Variants in GALNTL6 observed in about 807,000 individuals in gnomAD.
GALNTL6 encodes polypeptide N-acetylgalactosaminyltransferase like 6, also known as polypeptide N-acetylgalactosaminyltransferase-like 6.
Under a neutral mutation model 73.7 loss-of-function variants are expected in GALNTL6, and 46 were observed. That is an observed-to-expected ratio of 0.62 (90% CI 0.49 to 0.80). The LOEUF (loss-of-function observed/expected upper bound fraction) is 0.80. Among genes scored for constraint, GALNTL6 ranks in the 30% least tolerant of loss-of-function variants. The pLI is 0.00. For missense variants in GALNTL6, 604 were observed against 755.0 expected (o/e 0.80, Z 2.34); for synonymous variants, 259 against 263.7 (o/e 0.98, Z 0.17).
chr4:172,009,979 A>G (rs1740955584), intron 2 of GALNTL6, among the ~76,000 whole-genome samples: 2 of 152,172 alleles, frequency 1.3e-5, no homozygotes, highest in South Asian at 2.1e-4. Context: ...TCTGAAAGCC[A>G]TATAGAACAA....
At chr4:171,846,316 C>A (rs1326013143) in intron 2 of GALNTL6, among the ~76,000 whole-genome samples, 3 of 152,074 alleles carry the variant, frequency 2.0e-5, no homozygotes, top group Non-Finnish European at 4.4e-5. Flanking sequence ...TTTGAATCAC[C>A]TGATGCACCT....
chr4:172,695,045 C>A (rs1342834389), intron 5 of GALNTL6, among the ~76,000 whole-genome samples: 1 of 152,160 alleles, frequency 6.6e-6, no homozygotes, highest in African/African-American at 2.4e-5. Flanking sequence ...AAAAATAATT[C>A]TATGTACCTC....
intron 3 of GALNTL6, among the ~76,000 whole-genome samples, chr4:172,242,206 C>T (rs1737459465): frequency 6.6e-6 from 1 of 151,954 alleles, no homozygotes; most frequent in Admixed American, 6.6e-5. Context: ...GGGGAAAATG[C>T]AATTGCTTGG....
chr4:171,905,336 G>A (rs200187968), intron 2 of GALNTL6, among the ~76,000 whole-genome samples: 1 of 152,004 alleles, frequency 6.6e-6, no homozygotes, highest in Admixed American at 6.6e-5. Flanking sequence ...AAAGGCAGGG[G>A]TTGCAATCCT....
intron 2 of GALNTL6, among the ~76,000 whole-genome samples, chr4:172,164,761 T>A (rs1260591597): frequency 6.6e-6 from 1 of 152,126 alleles, no homozygotes; most frequent in Non-Finnish European, 1.5e-5. Context: ...GATTGAGTTT[T>A]CAATCTTCTC....
intron 5 of GALNTL6, among the ~76,000 whole-genome samples, chr4:172,453,444 T>G: frequency 6.6e-6 from 1 of 152,194 alleles, no homozygotes; most frequent in Non-Finnish European, 1.5e-5. Flanking sequence ...ACTCTCTCCT[T>G]GAAACCATTA....
intron 2 of GALNTL6, among the ~76,000 whole-genome samples, chr4:172,105,944 T>A (rs1410497911): frequency 1.3e-5 from 2 of 152,164 alleles, no homozygotes; most frequent in Non-Finnish European, 2.9e-5. Context: ...TTGAAAACAT[T>A]ATAATATGGA....
At chr4:172,180,975 G>GT (rs1248267244) in intron 2 of GALNTL6, among the ~76,000 whole-genome samples, 1 of 152,086 alleles carries the variant, frequency 6.6e-6, no homozygotes, top group African/African-American at 2.4e-5. Context: ...ATTTAAAGTA[G>GT]TTTTTTTCCA....
intron 2 of GALNTL6, among the ~76,000 whole-genome samples, chr4:172,156,275 A>G (rs900905103): frequency 2.6e-5 from 4 of 152,010 alleles, no homozygotes; most frequent in African/African-American, 4.8e-5. Flanking sequence ...TCCTGGGGCA[A>G]GTGGCCTTGA....
chr4:171,913,189 A>G (rs1222659037), intron 2 of GALNTL6, among the ~76,000 whole-genome samples: 3 of 152,214 alleles, frequency 2.0e-5, no homozygotes, highest in Non-Finnish European at 2.9e-5. Context: ...AACCAGATGC[A>G]TTTTCTTAGA....
intron 2 of GALNTL6, among the ~76,000 whole-genome samples, chr4:172,088,002 C>T (rs924209614): frequency 6.6e-6 from 1 of 152,016 alleles, no homozygotes; most frequent in African/African-American, 2.4e-5. Flanking sequence ...ATAAAAGTTG[C>T]CTTATTAAGA....
chr4:172,603,610 TA>T (rs1255943551), intron 5 of GALNTL6, among the ~76,000 whole-genome samples: 2 of 152,204 alleles, frequency 1.3e-5, no homozygotes, highest in African/African-American at 2.4e-5. Flanking sequence ...AACCATAGAT[TA>T]AAAAATAAAT....
chr4:172,163,212 T>C (rs911015775), intron 2 of GALNTL6, among the ~76,000 whole-genome samples: 1 of 152,050 alleles, frequency 6.6e-6, no homozygotes, highest in Non-Finnish European at 1.5e-5. Flanking sequence ...TTTCTCAAAA[T>C]TTCTTAACTT....
chr4:171,897,135 C>A (rs1736942288), intron 2 of GALNTL6, among the ~76,000 whole-genome samples: 1 of 151,642 alleles, frequency 6.6e-6, no homozygotes, highest in South Asian at 2.1e-4. Context: ...AAGAAAAAAT[C>A]TAGAAATTGA....
intron 10 of GALNTL6, among the ~76,000 whole-genome samples, chr4:172,956,529 G>C (rs574677492): frequency 6.6e-6 from 1 of 152,198 alleles, no homozygotes; most frequent in Non-Finnish European, 1.5e-5. Context: ...AGCTGTGATG[G>C]CTTGGAGAAG....
At chr4:172,031,628 C>G (rs1741774016) in intron 2 of GALNTL6, among the ~76,000 whole-genome samples, 1 of 151,952 alleles carries the variant, frequency 6.6e-6, no homozygotes. Context: ...TGACTGTCAT[C>G]CTTTAGTACG....
intron 5 of GALNTL6, among the ~76,000 whole-genome samples, chr4:172,659,792 G>T (rs1012776269): frequency 5.3e-5 from 8 of 152,150 alleles, no homozygotes; most frequent in Admixed American, 1.3e-4. Flanking sequence ...TAGTTGAAAG[G>T]CCTTAGTAGC....
At chr4:172,877,541 C>A (rs1333896339) in intron 7 of GALNTL6, among the ~76,000 whole-genome samples, 1 of 151,740 alleles carries the variant, frequency 6.6e-6, no homozygotes, top group African/African-American at 2.4e-5. Context: ...GTACACTTTA[C>A]CTTATAGCCT....
In GALNTL6 at chr4:172,486,227, A is replaced by G. The variant is rs560130791; in HGVS notation, c.553+137538A>G. On this transcript the variant is annotated intron_variant, in intron 5 of 12. Coordinates refer to ENST00000506823, the MANE Select transcript of GALNTL6 (RefSeq NM_001034845.3). The stretch of plus-strand genomic sequence containing the variant: ...GAAAAATTAGCTAATATATAGAATC[A>G]TTTTGTCACATTTCTGCAGATCAGT... 5.9e-5 allele frequency among the ~76,000 whole-genome samples: 9 copies of G among 152,312 alleles called. No homozygotes were observed. The South Asian group carries it at 1.9e-3, about 32-fold the overall frequency.
Sources: allele counts gnomAD v4.1 joint callset (sites outside exome capture counted in the v4.1 genomes callset), GRCh38; gene constraint gnomAD v4.1.1; transcripts MANE v1.5; gene names NCBI Gene and HGNC (gene_info 2026-07-23, HGNC 2026-07-21).